CNDP1: variants seen among roughly 807,000 people sequenced by gnomAD.
The protein encoded by CNDP1 is beta-Ala-His dipeptidase.
Under a neutral mutation model 58.1 loss-of-function variants are expected in CNDP1, and 44 were observed. That is an observed-to-expected ratio of 0.76 (90% CI 0.60 to 0.97). CNDP1 has a LOEUF of 0.97. CNDP1 is among the 50% of genes least tolerant of loss of function. CNDP1 has a pLI of 0.00. For missense variants in CNDP1, 616 were observed against 655.1 expected (o/e 0.94, Z 0.65); for synonymous variants, 254 against 252.6 (o/e 1.01, Z -0.05).
chr18:74,580,303 C>A, intron 10 of CNDP1, 32 bp downstream of exon 10: 1 of 1,612,150 alleles, frequency 6.2e-7, no homozygotes, highest in South Asian at 1.1e-5. Context: ...ACTGGCCAAT[C>A]TGCACTGGGA....
chr18:74,568,719 G>A (rs1275763990), intron 6 of CNDP1, among the ~76,000 whole-genome samples: 1 of 152,156 alleles, frequency 6.6e-6, no homozygotes, highest in Non-Finnish European at 1.5e-5. Context: ...TAGGAAGTGA[G>A]TGTATCTGCA....
intron 2 of CNDP1, among the ~76,000 whole-genome samples, chr18:74,558,182 A>T (rs1266383895): frequency 6.6e-6 from 1 of 152,206 alleles, no homozygotes; most frequent in Non-Finnish European, 1.5e-5. Flanking sequence ...GAGAAGTCCA[A>T]GATCAGTAAA....
chr18:74,567,441 CAG>C lies in CNDP1; in HGVS notation c.756+13_756+14del, dbSNP rs1981360059. 14 of 1,610,962 alleles carry C rather than the reference CAG, an allele frequency of 8.7e-6. No individual in the cohort carries two copies. Among genetic ancestry groups the C allele is most frequent in the Non-Finnish European group, 1.2e-5 (14 of 1,177,174 alleles). ...AGCTACTTCATGGTGGAGGTATCCA[CAG>C]AGAGCAGTGCATGGATGGAGGCCTG... On this transcript the variant is annotated intron_variant, in intron 6 of 11. Coordinates refer to ENST00000358821, the MANE Select transcript of CNDP1 (RefSeq NM_032649.6).
intron 2 of CNDP1, 128 bp from the exon 3 acceptor site, chr18:74,559,195 A>G: frequency 1.2e-6 from 1 of 840,736 alleles, no homozygotes; most frequent in Non-Finnish European, 2.0e-6. Flanking sequence ...TGGCACTGTC[A>G]TAGGTCCTCA....
rs533103825 is a variant in CNDP1, at chr18:74,541,114, G to A, written c.24+6423G>A. 3.7e-3 allele frequency among the ~76,000 whole-genome samples: 566 copies of A among 152,324 alleles called. 4 individuals carry two copies. The highest frequency in any genetic ancestry group is 0.02 in the South Asian group (97 of 4,822). ...CTGTGGTTCACACCGGAAACTTGTA[G>A]GTTCTGAAAGTGGAGGGGGAAATGG... On this transcript the variant is annotated intron_variant, in intron 1 of 11. Transcript: ENST00000358821.
intron 9 of CNDP1, 136 bp downstream of exon 9, chr18:74,578,463 T>C (rs1262263284): frequency 7.8e-6 from 7 of 900,498 alleles, no homozygotes; most frequent in African/African-American, 1.7e-5. Context: ...GTGGAACAAA[T>C]GTCAAGAAAC....
At chr18:74,568,432 C>T (rs138770295) in intron 6 of CNDP1, among the ~76,000 whole-genome samples, 452 of 152,236 alleles carry the variant, frequency 3.0e-3, no homozygotes, top group Middle Eastern at 6.8e-3. Context: ...AGGGACTGTC[C>T]TCTAGAACCC....
At chr18:74,579,982 C>A in intron 9 of CNDP1, 148 bp from the exon 10 acceptor site, 1 of 696,364 alleles carries the variant, frequency 1.4e-6, no homozygotes, top group South Asian at 1.9e-5. Context: ...AAAATCACAA[C>A]ACTTGCGTGT....
At chr18:74,552,572 C>T (rs535600893) in intron 1 of CNDP1, among the ~76,000 whole-genome samples, 1 of 152,322 alleles carries the variant, frequency 6.6e-6, no homozygotes, top group African/African-American at 2.4e-5. Flanking sequence ...TTTGTCTACA[C>T]TGTAGCATGT....
At chr18:74,565,821 G>A (rs1450916514) in intron 5 of CNDP1, among the ~76,000 whole-genome samples, 1 of 152,192 alleles carries the variant, frequency 6.6e-6, no homozygotes, top group Non-Finnish European at 1.5e-5. Flanking sequence ...TCTTCTCACA[G>A]CTCCACTAGG....
rs769249674 is a variant in CNDP1 at position 74,552,628 on chromosome 18, T to C, written c.25-3710T>C. Among the ~76,000 whole-genome samples, 6 of 152,378 alleles carry C rather than the reference T, an allele frequency of 3.9e-5. No homozygotes were observed. In the South Asian group the frequency reaches 1.2e-3, roughly 32 times the overall value. On this transcript the variant is annotated intron_variant, in intron 1 of 11. Transcript: ENST00000358821. ...TATGTAAGATAAAAATCATTTTGTA[T>C]AGCCAAATAATATTTCAGTGAAATA... is the stretch of plus-strand genomic sequence containing the variant.
At position 74,586,502 on chromosome 18, in the gene CNDP1, G is replaced by A. The variant is rs4891565; in HGVS notation, c.*1940G>A. On this transcript the variant is annotated 3_prime_UTR_variant, in exon 12 of 12. Transcript: ENST00000358821. ...ATAAAATACACTGTAAGCATTTCTG[G>A]CTAATGTACCATCAGATTTAAGAAG... 93,508 of 152,042 alleles carry A rather than the reference G, an allele frequency of 0.62. 29,458 individuals carry two copies. Among genetic ancestry groups the A allele is most frequent in the South Asian group, 0.72 (3,471 of 4,822 alleles). The allele number at this position is 152,042 out of a possible 1,614,324, so 9.4% of individuals were successfully genotyped here.
chr18:74,570,694 G>A (rs1981456663), intron 6 of CNDP1, among the ~76,000 whole-genome samples: 1 of 152,174 alleles, frequency 6.6e-6, no homozygotes, highest in Non-Finnish European at 1.5e-5. Context: ...TCAGGTAGAG[G>A]AAGGATGAGC....
At chr18:74,569,599 C>T (rs928074161) in intron 6 of CNDP1, among the ~76,000 whole-genome samples, 12 of 152,114 alleles carry the variant, frequency 7.9e-5, no homozygotes, top group African/African-American at 2.2e-4. Flanking sequence ...CTTAAATTAG[C>T]GTGAGCACCG....
At position 74,584,506 on chromosome 18, in the gene CNDP1, A is replaced by G. The variant is rs751460507; in HGVS notation, c.1468A>G (p.Ile490Val). Residue 490 changes from isoleucine (I) to valine (V), a missense_variant, in exon 12 of 12, where the codon ATA becomes GTA. Physicochemically the swap from Ile to Val is conservative, Grantham distance 29. Coordinates refer to ENST00000358821, the MANE Select transcript of CNDP1 (RefSeq NM_032649.6). ...TTTTCCTCTTCTTAGGTGGAACTAC[A>G]TAGAGGGAACCAAATTATTTGCTGC... ...QNEKINRWNY[I>V]EGTKLFAAFF... 2.5e-6 allele frequency: 4 copies of G among 1,612,758 alleles called. No individual in the cohort carries two copies. Among genetic ancestry groups the G allele is most frequent in the East Asian group, 2.2e-5 (1 of 44,874 alleles).
rs965688802 is a variant in CNDP1, at chr18:74,555,328, C to T, written c.25-1010C>T. Reference sequence around the variant, plus strand: ...GTGGCTTTCCTAGCCAAGAACCTGACGTAGGCGGTCTGACCAAGGGCTGCA... The same window carrying T: ...GTGGCTTTCCTAGCCAAGAACCTGATGTAGGCGGTCTGACCAAGGGCTGCA... On this transcript the variant is annotated intron_variant, in intron 1 of 11. Transcript: ENST00000358821. Among the ~76,000 whole-genome samples the T allele has an allele frequency of 5.9e-5, 9 of 152,228 alleles. No individual in the cohort carries two copies. The Middle Eastern group carries it at 0.01, about 173-fold the overall frequency.
chr18:74,584,035 T>G (rs1196940325), intron 11 of CNDP1: 1 of 323,616 alleles, frequency 3.1e-6, no homozygotes, highest in Admixed American at 4.5e-5. Context: ...TAACCTTTAT[T>G]ATCTCCTCCA....
At chr18:74,566,396 T>C (rs1981329077) in intron 5 of CNDP1, among the ~76,000 whole-genome samples, 1 of 152,256 alleles carries the variant, frequency 6.6e-6, no homozygotes, top group Admixed American at 6.5e-5. Context: ...GCAAATTTTC[T>C]GAACTCTTAA....
chr18:74,580,396 C>T, intron 10 of CNDP1, 125 bp downstream of exon 10: 2 of 968,488 alleles, frequency 2.1e-6, no homozygotes, highest in Non-Finnish European at 3.1e-6. Flanking sequence ...ATACAGAGCA[C>T]ATTGTTGAAT....
Sources: gnomAD v4.1 joint callset for allele counts (sites outside exome capture counted in the v4.1 genomes callset) on GRCh38, gnomAD v4.1.1 for gene constraint, MANE v1.5 for transcripts, NCBI Gene and HGNC (gene_info 2026-07-23, HGNC 2026-07-21) for gene names.